Variants in KMT2E observed in about 807,000 individuals in gnomAD.
KMT2E encodes lysine methyltransferase 2E (inactive), also known as histone reader KMT2E.
In KMT2E, 30 loss-of-function variants were observed where a neutral mutation model predicts 184.6. The ratio of observed to expected loss-of-function variants is 0.16; its 90% confidence interval spans 0.12 to 0.22. The LOEUF (loss-of-function observed/expected upper bound fraction) is 0.22, where lower values mean the gene tolerates loss of function less well. Among genes scored for constraint, KMT2E ranks in the 10% least tolerant of loss-of-function variants. The pLI, the probability that KMT2E is intolerant of heterozygous loss-of-function variation, is 1.00. For missense variants in KMT2E, 2,023 were observed against 2,237.4 expected, an observed-to-expected ratio of 0.90 and a Z score of 1.93; for synonymous variants, 815 against 776.5, an observed-to-expected ratio of 1.05 and a Z score of -0.82.
chr7:105,048,824 A>C (rs1796212543), intron 3 of KMT2E, among the ~76,000 whole-genome samples: 1 of 152,258 alleles, frequency 6.6e-6, no homozygotes, highest in African/African-American at 2.4e-5. Context: ...ATCAGGAAGC[A>C]GGCTGGATTT....
Position 105,063,999 on chromosome 7 carries a change from C to G in KMT2E, c.416+419C>G, listed in dbSNP as rs1021208056. 1.1e-5 allele frequency: 5 copies of G among 455,530 alleles called. No homozygotes were observed. The Admixed American group carries it at 1.2e-4, about 11-fold the overall frequency. The allele number at this position is 455,530 out of a possible 1,614,324, so 28.2% of individuals were successfully genotyped here. A position where few individuals can be genotyped will look rare whatever the true frequency, so the allele number is the denominator to read the frequency against. ...ATTGATGTTTGTTTGACCTGACTCT[C>G]TCACCTCCTTTTGACTTGAACCTTG... is the stretch of plus-strand genomic sequence containing the variant. On this transcript the variant is annotated intron_variant, in intron 5 of 26. Coordinates refer to ENST00000311117, the MANE Select transcript of KMT2E (RefSeq NM_182931.3).
intron 6 of KMT2E, among the ~76,000 whole-genome samples, chr7:105,071,580 G>GTATATATATATATA (rs1438005247): frequency 1.1e-4 from 7 of 64,988 alleles, no homozygotes; most frequent in African/African-American, 2.2e-4. Context: ...GTATGTGTGT[G>GTATATATATATATA]TGTATATATA....
Position 105,110,682 on chromosome 7 carries a change from T to G in KMT2E, c.3970+80T>G, listed in dbSNP as rs542402354. 10 of 1,595,806 alleles carry G rather than the reference T, an allele frequency of 6.3e-6. No homozygotes were observed. In the African/African-American group the frequency reaches 1.1e-4, roughly 17 times the overall value. On this transcript the variant is annotated intron_variant, in intron 25 of 26. Coordinates refer to ENST00000311117, the MANE Select transcript of KMT2E (RefSeq NM_182931.3). Reference sequence around the variant, plus strand: ...AGAGAGCCTTTATAAAAAGTTGGTTTGGATAGTAGAATGTATGTTGCTTTG... The same window carrying G: ...AGAGAGCCTTTATAAAAAGTTGGTTGGGATAGTAGAATGTATGTTGCTTTG...
At chr7:105,060,766 A>G (rs916452421) in intron 3 of KMT2E, among the ~76,000 whole-genome samples, 2 of 152,232 alleles carry the variant, frequency 1.3e-5, no homozygotes, top group African/African-American at 4.8e-5. Flanking sequence ...GTGTTTAGAT[A>G]CAGAATACTT....
chr7:105,102,863 G>A (rs1798713571), intron 17 of KMT2E: 5 of 152,176 alleles, frequency 3.3e-5, no homozygotes, highest in Admixed American at 3.3e-4. Flanking sequence ...CATTTATTCT[G>A]TCTTTGTTCT....
intron 1 of KMT2E, among the ~76,000 whole-genome samples, chr7:105,015,983 A>C (rs966138477): frequency 6.6e-6 from 1 of 151,924 alleles, no homozygotes; most frequent in Admixed American, 6.6e-5. Flanking sequence ...AAAAAAAATT[A>C]TTTGGGTACC....
intron 9 of KMT2E, among the ~76,000 whole-genome samples, chr7:105,076,682 A>G (rs991049581): frequency 1.3e-5 from 2 of 152,210 alleles, no homozygotes; most frequent in African/African-American, 4.8e-5. Flanking sequence ...TGCTGTTACT[A>G]TAGTTTTCTG....
chr7:105,074,658 C>A lies in KMT2E; in HGVS notation c.572C>A (p.Ala191Glu). Residue 191 changes from alanine to glutamate, a missense_variant, in exon 8 of 27, where the codon GCA becomes GAA. Coordinates refer to ENST00000311117, the MANE Select transcript of KMT2E (RefSeq NM_182931.3). ...TTGTCTGAAGATGGTGATACCAGTGCAACTGAGAGTGGTGATGAGGTTCCT... is the reference window on the plus strand; with the variant it reads ...TTGTCTGAAGATGGTGATACCAGTGAAACTGAGAGTGGTGATGAGGTTCCT... ...RENMSDGDTS[A>E]TESGDEVPVE... 1 of 1,545,754 alleles carries A rather than the reference C, an allele frequency of 6.5e-7. No homozygotes were observed. Among genetic ancestry groups the A allele is most frequent in the South Asian group, 1.3e-5 (1 of 79,904 alleles).
intron 12 of KMT2E, among the ~76,000 whole-genome samples, chr7:105,080,078 T>G (rs532203584): frequency 6.6e-6 from 1 of 151,454 alleles, no homozygotes; most frequent in South Asian, 2.1e-4. Flanking sequence ...AGCTCCTGTG[T>G]TCAAGCAATC....
intron 15 of KMT2E, among the ~76,000 whole-genome samples, chr7:105,092,674 TAA>T (rs908110305): frequency 8.5e-5 from 13 of 152,208 alleles, no homozygotes; most frequent in African/African-American, 2.2e-4. Context: ...CAATTATATA[TAA>T]GTTATGTGTG....
intron 3 of KMT2E, among the ~76,000 whole-genome samples, chr7:105,051,846 C>T (rs770756523): frequency 5.9e-5 from 9 of 152,150 alleles, no homozygotes; most frequent in Middle Eastern, 3.2e-3. Flanking sequence ...CTCCTGACTT[C>T]ACAAAGTGCT....
chr7:105,080,652 T>C (rs1797727031), intron 12 of KMT2E, among the ~76,000 whole-genome samples: 1 of 152,230 alleles, frequency 6.6e-6, no homozygotes, highest in South Asian at 2.1e-4. Context: ...TTAATACATA[T>C]AAAGTATATA....
At chr7:105,106,065 T>C (rs1798885560) in intron 19 of KMT2E, 62 bp downstream of exon 19, 3 of 1,439,412 alleles carry the variant, frequency 2.1e-6, no homozygotes, top group Non-Finnish European at 2.8e-6. Context: ...TACAGCTTTA[T>C]AACAGGCATA....
At chr7:105,106,845 C>T (rs1468900226) in intron 20 of KMT2E, 73 bp downstream of exon 20, 1 of 1,436,866 alleles carries the variant, frequency 7.0e-7, no homozygotes. Context: ...GCTCTTTCCC[C>T]TCCTTTAACA....
chr7:105,026,224 CTT>C (rs563480092), intron 1 of KMT2E, among the ~76,000 whole-genome samples: 29 of 152,216 alleles, frequency 1.9e-4, no homozygotes, highest in Non-Finnish European at 3.1e-4. Flanking sequence ...TACTGTAACT[CTT>C]TTGATCATTT....
intron 6 of KMT2E, among the ~76,000 whole-genome samples, chr7:105,068,088 CCT>C (rs1168212909): frequency 6.6e-6 from 1 of 152,144 alleles, no homozygotes; most frequent in African/African-American, 2.4e-5. Context: ...TAAACCTACT[CCT>C]CCCTCCCTAC....
At chr7:105,079,184 G>C (rs1417773393) in intron 12 of KMT2E, among the ~76,000 whole-genome samples, 2 of 149,048 alleles carry the variant, frequency 1.3e-5, no homozygotes, top group African/African-American at 5.0e-5. Context: ...TGCCCAGGCT[G>C]GAATACAATG....
intron 16 of KMT2E, 126 bp downstream of exon 16, chr7:105,101,715 C>G: frequency 1.0e-6 from 1 of 966,920 alleles, no homozygotes; most frequent in Non-Finnish European, 1.5e-6. Context: ...TTTTCAGATC[C>G]TATGGGAGTT....
At chr7:105,071,599 TATATATATA>T (rs1197164531) in intron 6 of KMT2E, among the ~76,000 whole-genome samples, 4 of 75,024 alleles carry the variant, frequency 5.3e-5, no homozygotes, top group South Asian at 3.9e-4. Context: ...TATATATATA[TATATATATA>T]TTTTTTTTTT....
Sources: allele counts gnomAD v4.1 joint callset (sites outside exome capture counted in the v4.1 genomes callset), GRCh38; gene constraint gnomAD v4.1.1; transcripts MANE v1.5; gene names NCBI Gene and HGNC (gene_info 2026-07-23, HGNC 2026-07-21).